CHL1: variants seen among roughly 807,000 people sequenced by gnomAD.
The protein encoded by CHL1 is cell adhesion molecule L1 like.
Under a neutral mutation model 141.9 loss-of-function variants are expected in CHL1, and 96 were observed. The observed-to-expected ratio is 0.68, with a 90% CI of 0.57 to 0.80. The LOEUF (loss-of-function observed/expected upper bound fraction) is 0.80. Among genes scored for constraint, CHL1 ranks in the 30% least tolerant of loss-of-function variants. The probability of loss-of-function intolerance (pLI) is 0.00; values close to 1 mark genes in which losing one functional copy is unlikely to be tolerated. For missense variants in CHL1, 1,820 were observed against 1,457.2 expected (o/e 1.25, Z -4.05); for synonymous variants, 613 against 502.2 (o/e 1.22, Z -2.95).
chr3:231,724 C>T (rs889656125), intron 1 of CHL1, among the ~76,000 whole-genome samples: 1 of 151,712 alleles, frequency 6.6e-6, no homozygotes, highest in Non-Finnish European at 1.5e-5. Context: ...TTACAGGTGC[C>T]TGCCACCATG....
chr3:245,630 T>C (rs138786250), intron 2 of CHL1, among the ~76,000 whole-genome samples: 81 of 152,260 alleles, frequency 5.3e-4, no homozygotes, highest in African/African-American at 1.7e-3. Context: ...AGAAATAAGA[T>C]ATTACTTGGT....
At chr3:309,215 A>T (rs920006876) in intron 2 of CHL1, 5 of 152,640 alleles carry the variant, frequency 3.3e-5, no homozygotes, top group African/African-American at 1.2e-4. Context: ...GGCCCGCCTT[A>T]GTCCTGGCAG....
intron 2 of CHL1, among the ~76,000 whole-genome samples, chr3:311,500 T>C (rs1435981914): frequency 6.6e-6 from 1 of 152,042 alleles, no homozygotes; most frequent in Non-Finnish European, 1.5e-5. Context: ...TATCCACGGC[T>C]CCTGCCCACT....
chr3:309,392 C>CTTCCT (rs142838718), intron 2 of CHL1: 2,329 of 134,114 alleles, frequency 0.017, 30 homozygotes, highest in Admixed American at 0.04. Flanking sequence ...TCCTTCCTTC[C>CTTCCT]TCCTTCCTTC....
At chr3:260,126 T>A (rs1211842305) in intron 2 of CHL1, among the ~76,000 whole-genome samples, 1 of 151,982 alleles carries the variant, frequency 6.6e-6, no homozygotes, top group Non-Finnish European at 1.5e-5. Flanking sequence ...TAGCTGGGTG[T>A]GGTGGCGCGG....
At chr3:327,661 T>C (rs1701119423) in intron 4 of CHL1, among the ~76,000 whole-genome samples, 1 of 151,972 alleles carries the variant, frequency 6.6e-6, no homozygotes, top group Non-Finnish European at 1.5e-5. Context: ...CTATAAAAAT[T>C]GTCTTTAGTA....
intron 2 of CHL1, among the ~76,000 whole-genome samples, chr3:253,931 C>G (rs946723591): frequency 2.6e-5 from 4 of 152,186 alleles, no homozygotes; most frequent in Non-Finnish European, 4.4e-5. Flanking sequence ...TTACACTGAG[C>G]TAGCCATCAT....
rs184167575 is a variant in CHL1 at position 389,240 on chromosome 3, C to T, written c.2248-12C>T. The T allele has an allele frequency of 6.3e-7, 1 of 1,583,768 alleles. No individual in the cohort carries two copies. The highest frequency in any genetic ancestry group is 1.3e-5 in the African/African-American group (1 of 74,502). On this transcript the variant is annotated splice_polypyrimidine_tract_variant and intron_variant, in intron 19 of 27. Transcript: ENST00000256509. Reference sequence around the variant, plus strand: ...TGTGATCAGACTAAATGAGTCTTGCCTTCTGTTTTAGCCTTTGAAATCCAT... The same window carrying T: ...TGTGATCAGACTAAATGAGTCTTGCTTTCTGTTTTAGCCTTTGAAATCCAT...
intron 13 of CHL1, 75 bp from the exon 14 acceptor site, chr3:363,142 C>T (rs1245256185): frequency 1.1e-5 from 13 of 1,230,288 alleles, no homozygotes; most frequent in East Asian, 9.5e-5. Context: ...GCCTGAATGA[C>T]GTCACTGACT....
At chr3:395,305 C>T (rs1392856741) in intron 24 of CHL1, among the ~76,000 whole-genome samples, 1 of 152,224 alleles carries the variant, frequency 6.6e-6, no homozygotes, top group African/African-American at 2.4e-5. Flanking sequence ...ACTCTATATA[C>T]ATTGATTCAT....
chr3:282,572 A>C (rs1696767403), intron 2 of CHL1: 1 of 152,086 alleles, frequency 6.6e-6, no homozygotes, highest in Non-Finnish European at 1.5e-5. Context: ...AGAATGTCTT[A>C]TTATTATTTT....
intron 3 of CHL1, among the ~76,000 whole-genome samples, chr3:321,286 T>G (rs1372831446): frequency 1.3e-5 from 2 of 152,046 alleles, no homozygotes; most frequent in Non-Finnish European, 2.9e-5. Context: ...TCTTAAGAAA[T>G]TCCACTTATC....
chr3:309,126 A>G (rs1699516500), intron 2 of CHL1: 1 of 152,400 alleles, frequency 6.6e-6, no homozygotes. Context: ...ACTCCCAGCC[A>G]CAGAAGTTCC....
chr3:276,248 A>T (rs866252913), intron 2 of CHL1, among the ~76,000 whole-genome samples: 23 of 152,300 alleles, frequency 1.5e-4, no homozygotes, highest in Middle Eastern at 3.4e-3. Flanking sequence ...CACCAATCAT[A>T]TTGTATATGA....
chr3:245,469 A>C (rs1693077316), intron 2 of CHL1, among the ~76,000 whole-genome samples: 2 of 152,162 alleles, frequency 1.3e-5, no homozygotes, highest in African/African-American at 2.4e-5. Context: ...TTGGTTCAGT[A>C]AGTGCCAATA....
intron 9 of CHL1, among the ~76,000 whole-genome samples, chr3:346,710 T>G (rs1575126378): frequency 6.6e-6 from 1 of 152,234 alleles, no homozygotes; most frequent in East Asian, 1.9e-4. Flanking sequence ...ATACTGATTT[T>G]GTGTTGGGTA....
At chr3:394,509 C>T (rs1708502396) in intron 23 of CHL1, among the ~76,000 whole-genome samples, 184 bp from the exon 24 acceptor site, 1 of 152,018 alleles carries the variant, frequency 6.6e-6, no homozygotes, top group African/African-American at 2.4e-5. Context: ...TGCGAGACCT[C>T]AGTTTTGTCA....
rs1428211338 is a variant in CHL1 at position 325,823 on chromosome 3, G to A, written c.92-136G>A. ...AGTACATGTTGCAAAGAGAGAGTGA[G>A]ATTTATTCTGATTTTCACTTTTGTA... On this transcript the variant is annotated intron_variant, in intron 3 of 27. Coordinates refer to ENST00000256509, the MANE Select transcript of CHL1 (RefSeq NM_006614.4). 7.4e-6 allele frequency: 4 copies of A among 541,262 alleles called. No homozygotes were observed. The African/African-American group carries it at 7.8e-5, about 11-fold the overall frequency. The allele number at this position is 541,262 out of a possible 1,614,324, so 33.5% of individuals were successfully genotyped here.
intron 19 of CHL1, among the ~76,000 whole-genome samples, chr3:384,155 A>G (rs1254031876): frequency 1.3e-5 from 2 of 152,212 alleles, no homozygotes; most frequent in Non-Finnish European, 2.9e-5. Context: ...CAAATTATTA[A>G]TAATTTAATT....
Sources: allele counts gnomAD v4.1 joint callset (sites outside exome capture counted in the v4.1 genomes callset), GRCh38; gene constraint gnomAD v4.1.1; transcripts MANE v1.5; gene names NCBI Gene and HGNC (gene_info 2026-07-23, HGNC 2026-07-21).